The following UBE3D variants were observed in gnomAD, a reference collection of about 807,000 sequenced individuals.
UBE3D encodes the protein ubiquitin protein ligase E3D.
In UBE3D, 48 loss-of-function variants were observed where a neutral mutation model predicts 49.6. The ratio of observed to expected loss-of-function variants is 0.97; its 90% CI spans 0.77 to 1.23. The LOEUF (loss-of-function observed/expected upper bound fraction) is 1.23, where lower values mean the gene tolerates loss of function less well. Among genes scored for constraint, UBE3D ranks in the 50% most tolerant of loss-of-function variants. The pLI, the probability that UBE3D is intolerant of heterozygous loss-of-function variation, is 0.00. For synonymous variants in UBE3D, 189 were observed against 174.2 expected, an observed-to-expected ratio of 1.08 and a Z score of -0.67; for missense variants, 452 against 468.4, an observed-to-expected ratio of 0.96 and a Z score of 0.32.
chr6:83,052,524 G>GC (rs1783537168), intron 3 of UBE3D, among the ~76,000 whole-genome samples: 1 of 152,158 alleles, frequency 6.6e-6, no homozygotes, highest in Admixed American at 6.5e-5. Context: ...AGTGTGGGGT[G>GC]CATTCCTCCA....
intron 9 of UBE3D, among the ~76,000 whole-genome samples, chr6:82,945,754 A>G (rs571917935): frequency 3.3e-5 from 5 of 152,214 alleles, no homozygotes; most frequent in Non-Finnish European, 7.3e-5. Context: ...AGGAAATTCA[A>G]TGAGATTTAA....
chr6:82,996,519 C>A (rs748146860), intron 8 of UBE3D, among the ~76,000 whole-genome samples: 8 of 152,190 alleles, frequency 5.3e-5, no homozygotes, highest in Non-Finnish European at 1.0e-4. Context: ...GAGCTTATCA[C>A]TCCTACCCCT....
chr6:82,956,489 A>G (rs1776166299), intron 9 of UBE3D, among the ~76,000 whole-genome samples: 1 of 152,208 alleles, frequency 6.6e-6, no homozygotes, highest in African/African-American at 2.4e-5. Context: ...AATAAATATC[A>G]AGGGCAGTAG....
chr6:82,944,929 A>G (rs888254943), intron 9 of UBE3D, among the ~76,000 whole-genome samples: 38 of 152,182 alleles, frequency 2.5e-4, no homozygotes, highest in Admixed American at 6.5e-5. Flanking sequence ...TGGTTCAAGG[A>G]CCAGCTAAGC....
chr6:83,045,339 T>C lies in UBE3D; in HGVS notation c.366-680A>G, dbSNP rs1044933376. 2.6e-5 allele frequency among the ~76,000 whole-genome samples: 4 copies of C among 152,168 alleles called. No individual in the cohort carries two copies. The South Asian group carries it at 6.2e-4, about 24-fold the overall frequency. On this transcript the variant is annotated intron_variant, in intron 3 of 9. Coordinates refer to ENST00000369747, the MANE Select transcript of UBE3D (RefSeq NM_198920.3). ...TTTCCATTTCTGCATTAGTAATAGG[T>C]AAAAGTATTTTCAATGCTGCTTTAA...
At chr6:83,031,611 C>T (rs1781875457) in intron 5 of UBE3D, among the ~76,000 whole-genome samples, 1 of 152,140 alleles carries the variant, frequency 6.6e-6, no homozygotes, top group Non-Finnish European at 1.5e-5. Context: ...TACAGTCAAG[C>T]CTGCTTGAAT....
At chr6:83,004,617 T>C (rs1779849142) in intron 8 of UBE3D, among the ~76,000 whole-genome samples, 1 of 152,196 alleles carries the variant, frequency 6.6e-6, no homozygotes, top group African/African-American at 2.4e-5. Flanking sequence ...TTAATAATAA[T>C]GTTCTTTAGG....
chr6:82,953,296 C>T (rs2149536), intron 9 of UBE3D, among the ~76,000 whole-genome samples: 24,402 of 152,220 alleles, frequency 0.16, 2,005 homozygotes, highest in South Asian at 0.17. Flanking sequence ...CCCAGAGAGT[C>T]CCATCCTATA....
At chr6:83,027,802 A>AT (rs1781587777) in intron 5 of UBE3D, among the ~76,000 whole-genome samples, 1 of 152,160 alleles carries the variant, frequency 6.6e-6, no homozygotes, top group Non-Finnish European at 1.5e-5. Flanking sequence ...GAATCTATAG[A>AT]TTGCTATTCT....
intron 5 of UBE3D, chr6:83,036,776 G>A (rs1782290805): frequency 6.6e-6 from 1 of 150,538 alleles, no homozygotes; most frequent in African/African-American, 2.5e-5. Flanking sequence ...AGGCTGAAGT[G>A]CAGTGGCTAT....
At chr6:82,995,278 C>G (rs1466858232) in intron 8 of UBE3D, among the ~76,000 whole-genome samples, 1 of 152,108 alleles carries the variant, frequency 6.6e-6, no homozygotes, top group Non-Finnish European at 1.5e-5. Context: ...TTTGACTCAG[C>G]AGTTTCAGTA....
chr6:82,916,777 C>A (rs1772945262), intron 9 of UBE3D, among the ~76,000 whole-genome samples: 1 of 152,202 alleles, frequency 6.6e-6, no homozygotes, highest in African/African-American at 2.4e-5. Flanking sequence ...ATGCTTTCAG[C>A]TGAAGGTACA....
At chr6:82,999,813 C>G (rs963479935) in intron 8 of UBE3D, among the ~76,000 whole-genome samples, 2 of 152,160 alleles carry the variant, frequency 1.3e-5, no homozygotes, top group Admixed American at 1.3e-4. Flanking sequence ...TCCACACTTA[C>G]TGTTTGTCAT....
chr6:82,885,573 C>T, the UBE3D span, among the ~76,000 whole-genome samples: 11 of 152,246 alleles, frequency 7.2e-5, no homozygotes, highest in East Asian at 7.7e-4. Context: ...ACTGCACAGG[C>T]GGCATTTCAA....
chr6:82,907,346 T>C (rs1291634749), intron 9 of UBE3D, among the ~76,000 whole-genome samples: 1 of 152,194 alleles, frequency 6.6e-6, no homozygotes, highest in Non-Finnish European at 1.5e-5. Flanking sequence ...GAAAATACTC[T>C]CTAAACTCAC....
chr6:82,972,099 G>C (rs114132577), intron 8 of UBE3D, among the ~76,000 whole-genome samples: 1 of 152,138 alleles, frequency 6.6e-6, no homozygotes, highest in Non-Finnish European at 1.5e-5. Context: ...CCTTCAGAAC[G>C]GGGTGGGTTC....
chr6:82,989,664 C>A lies in UBE3D; in HGVS notation c.1010+29309G>T, dbSNP rs375218811. ...CGAGGTCCCGGATTTGTCTTAGTGGCTATAATTTGCCTACCCCTGATCTAA... is the reference window on the plus strand; with the variant it reads ...CGAGGTCCCGGATTTGTCTTAGTGGATATAATTTGCCTACCCCTGATCTAA... On this transcript the variant is annotated intron_variant, in intron 8 of 9. Transcript: ENST00000369747. Among the ~76,000 whole-genome samples the A allele has an allele frequency of 2.6e-5, 4 of 152,214 alleles. No individual in the cohort carries two copies. In the East Asian group the frequency reaches 5.8e-4, roughly 22 times the overall value.
chr6:83,055,962 A>C (rs934372386), intron 2 of UBE3D, among the ~76,000 whole-genome samples: 1 of 152,246 alleles, frequency 6.6e-6, no homozygotes, highest in African/African-American at 2.4e-5. Context: ...AGTGCTGAGG[A>C]ATCTGTTTTG....
At chr6:82,931,712 T>C (rs1774166434) in intron 9 of UBE3D, among the ~76,000 whole-genome samples, 1 of 152,246 alleles carries the variant, frequency 6.6e-6, no homozygotes. Flanking sequence ...AAAGCCTGTA[T>C]ACTCATTGTA....
Sources: allele counts gnomAD v4.1 joint callset (sites outside exome capture counted in the v4.1 genomes callset), GRCh38; gene constraint gnomAD v4.1.1; transcripts MANE v1.5; gene names NCBI Gene and HGNC (gene_info 2026-07-23, HGNC 2026-07-21).